RNF111: variants seen among roughly 807,000 people sequenced by gnomAD.
RNF111 encodes ring finger protein 111, also known as E3 ubiquitin-protein ligase Arkadia.
In RNF111, 17 loss-of-function variants were observed where a neutral mutation model predicts 95.1. The observed-to-expected ratio is 0.18, with a 90% CI of 0.12 to 0.27. The LOEUF (loss-of-function observed/expected upper bound fraction) is 0.27. RNF111 is among the 10% of genes least tolerant of loss of function. RNF111 has a pLI of 1.00. For missense variants in RNF111, 1,189 were observed against 1,210.4 expected (o/e 0.98, Z 0.26); for synonymous variants, 440 against 414.8 (o/e 1.06, Z -0.74).
intron 1 of RNF111, among the ~76,000 whole-genome samples, chr15:59,022,445 T>G (rs149068814): frequency 1.5e-3 from 235 of 152,326 alleles, no homozygotes; most frequent in African/African-American, 5.4e-3. Context: ...AAAAGATAAC[T>G]TTGACTTCCA....
chr15:59,092,748 C>T, intron 13 of RNF111, 108 bp downstream of exon 13: 5 of 1,113,126 alleles, frequency 4.5e-6, no homozygotes, highest in Non-Finnish European at 6.2e-6. Context: ...AATTCCAGCA[C>T]TTTTTGAGGC....
At chr15:59,065,086 C>T (rs1282309074) in intron 5 of RNF111, among the ~76,000 whole-genome samples, 1 of 151,910 alleles carries the variant, frequency 6.6e-6, no homozygotes, top group African/African-American at 2.4e-5. Flanking sequence ...GCAGGGTATC[C>T]TTACTCTTGG....
intron 5 of RNF111, among the ~76,000 whole-genome samples, chr15:59,062,263 G>A (rs1240138138): frequency 4.6e-5 from 7 of 151,874 alleles, no homozygotes; most frequent in Non-Finnish European, 8.8e-5. Flanking sequence ...GGCTGGTCTC[G>A]AACTCCTGGA....
At chr15:59,078,991 CT>C (rs2140155622) in intron 7 of RNF111, among the ~76,000 whole-genome samples, 2 of 152,226 alleles carry the variant, frequency 1.3e-5, no homozygotes, top group Admixed American at 1.3e-4. Context: ...AGTATTACAT[CT>C]GCAAGTGATA....
At chr15:59,009,281 A>G (rs1204175237) in intron 1 of RNF111, among the ~76,000 whole-genome samples, 1 of 151,910 alleles carries the variant, frequency 6.6e-6, no homozygotes, top group Non-Finnish European at 1.5e-5. Context: ...TTTACATGTT[A>G]TCAGCTTTGG....
chr15:58,990,701 C>T (rs2038775174), intron 1 of RNF111, among the ~76,000 whole-genome samples: 1 of 152,128 alleles, frequency 6.6e-6, no homozygotes, highest in Non-Finnish European at 1.5e-5. Flanking sequence ...CATATTATTG[C>T]TATTGTTGTC....
intron 6 of RNF111, among the ~76,000 whole-genome samples, chr15:59,067,571 G>C (rs573897641): frequency 6.6e-6 from 1 of 152,252 alleles, no homozygotes; most frequent in Non-Finnish European, 1.5e-5. Context: ...TTTTAATTAA[G>C]TCTCTGGGAT....
intron 1 of RNF111, among the ~76,000 whole-genome samples, chr15:58,996,772 T>A (rs2039095061): frequency 6.6e-6 from 1 of 151,584 alleles, no homozygotes; most frequent in Non-Finnish European, 1.5e-5. Flanking sequence ...CAATCTAACT[T>A]AATGTGTGTT....
At chr15:59,091,464 G>C (rs1240231194) in intron 12 of RNF111, among the ~76,000 whole-genome samples, 1 of 152,062 alleles carries the variant, frequency 6.6e-6, no homozygotes, top group African/African-American at 2.4e-5. Context: ...CACAAAAGGA[G>C]ATGATTACCA....
At position 59,089,648 on chromosome 15, in the gene RNF111, A is replaced by T; in HGVS notation, c.2551-19A>T. 6.4e-7 allele frequency: 1 copy of T among 1,572,336 alleles called. No homozygotes were observed. Among genetic ancestry groups the T allele is most frequent in the South Asian group, 1.1e-5 (1 of 90,224 alleles). The stretch of plus-strand genomic sequence containing the variant: ...TCTATTCTTAAAATTGATTTAGCCT[A>T]TCTCTTCTGTTGAAATAGGTTCCTG... On this transcript the variant is annotated intron_variant, in intron 10 of 13. Transcript: ENST00000348370.
chr15:59,066,196 A>G (rs2042645776), intron 5 of RNF111, among the ~76,000 whole-genome samples: 1 of 152,208 alleles, frequency 6.6e-6, no homozygotes. Flanking sequence ...CCATAGGAAA[A>G]CATGATCTAT....
At chr15:59,066,695 C>T in intron 5 of RNF111, 69 bp from the exon 6 acceptor site, 1 of 1,172,952 alleles carries the variant, frequency 8.5e-7, no homozygotes, top group Non-Finnish European at 1.2e-6. Context: ...TATTTATACC[C>T]CATACCTATT....
chr15:59,036,345 G>A (rs537448936), intron 2 of RNF111, among the ~76,000 whole-genome samples: 2 of 152,094 alleles, frequency 1.3e-5, no homozygotes, highest in Non-Finnish European at 1.5e-5. Context: ...ACAGGTTTGA[G>A]CCACCGCACC....
intron 1 of RNF111, among the ~76,000 whole-genome samples, chr15:59,017,601 G>A (rs2040127603): frequency 1.3e-5 from 2 of 152,120 alleles, no homozygotes; most frequent in African/African-American, 4.8e-5. Context: ...TTAAAGTTCA[G>A]TTTTGGAAAC....
At chr15:59,000,386 C>A (rs1460194587) in intron 1 of RNF111, among the ~76,000 whole-genome samples, 12 of 151,894 alleles carry the variant, frequency 7.9e-5, no homozygotes, top group African/African-American at 2.4e-4. Flanking sequence ...TGATCTCAAA[C>A]TGCTAGGCAC....
chr15:59,030,152 G>A (rs1194956285), intron 1 of RNF111, among the ~76,000 whole-genome samples: 1 of 152,126 alleles, frequency 6.6e-6, no homozygotes, highest in East Asian at 1.9e-4. Context: ...TTATTTAACT[G>A]AATGATCTTC....
At chr15:59,000,239 C>G (rs1372334294) in intron 1 of RNF111, among the ~76,000 whole-genome samples, 2 of 146,770 alleles carry the variant, frequency 1.4e-5, no homozygotes, top group African/African-American at 5.0e-5. Flanking sequence ...TCTTAGTTCA[C>G]TACATTCTCT....
intron 5 of RNF111, among the ~76,000 whole-genome samples, chr15:59,065,638 T>C (rs1027075339): frequency 1.6e-4 from 24 of 152,356 alleles, no homozygotes; most frequent in Admixed American, 1.3e-4. Flanking sequence ...TTAAAGCACA[T>C]TTTATTTTCC....
At chr15:59,056,334 A>AC (rs1263753478) in intron 4 of RNF111, among the ~76,000 whole-genome samples, 1 of 152,140 alleles carries the variant, frequency 6.6e-6, no homozygotes. Flanking sequence ...TTACAGCTGT[A>AC]CCCAAGTAAC....
Sources: gnomAD v4.1 joint callset for allele counts (sites outside exome capture counted in the v4.1 genomes callset) on GRCh38, gnomAD v4.1.1 for gene constraint, MANE v1.5 for transcripts, NCBI Gene and HGNC (gene_info 2026-07-23, HGNC 2026-07-21) for gene names.